The following CENPE variants were observed in gnomAD, a reference collection of about 807,000 sequenced individuals.
CENPE encodes centromere-associated protein E.
A neutral mutation model predicts 336.1 loss-of-function variants in CENPE; 145 were observed. The observed-to-expected ratio is 0.43, with a 90% CI of 0.38 to 0.50. CENPE has a LOEUF of 0.50. Ranked by LOEUF, CENPE falls within the 20% of genes least tolerant of loss-of-function variation. The pLI, the probability that CENPE is intolerant of heterozygous loss-of-function variation, is 0.00. For synonymous variants in CENPE, 1,013 were observed against 984.8 expected (o/e 1.03, Z -0.54); for missense variants, 2,719 against 3,023.3 (o/e 0.90, Z 2.36).
At chr4:103,187,827 T>C (rs1169039829) in intron 8 of CENPE, among the ~76,000 whole-genome samples, 7 of 152,194 alleles carry the variant, frequency 4.6e-5, no homozygotes, top group African/African-American at 1.7e-4. Context: ...ATAGGCTAAA[T>C]GCTCCAATGA....
chr4:103,113,177 A>AGTGTATATATACTTATAAGTATATAAGT (rs1749715652), intron 46 of CENPE, among the ~76,000 whole-genome samples: 1 of 132,486 alleles, frequency 7.5e-6, no homozygotes, highest in African/African-American at 2.7e-5. Context: ...TAAGTATATA[A>AGTGTATATATACTTATAAGTATATAAGT]GTGTATATAT....
Position 103,116,690 on chromosome 4 carries a change from C to T in CENPE, c.7330-1G>A. The T allele has an allele frequency of 6.6e-7, 1 of 1,522,494 alleles. No homozygotes were observed. Among genetic ancestry groups the T allele is most frequent in the Non-Finnish European group, 8.9e-7 (1 of 1,126,554 alleles). The allele number at this position is 1,522,494 out of a possible 1,614,324, so 94.3% of individuals were successfully genotyped here. On this transcript the variant is annotated splice_acceptor_variant, in intron 44 of 48. Coordinates refer to ENST00000265148, the MANE Select transcript of CENPE (RefSeq NM_001813.3). LOFTEE classifies it high-confidence loss of function. ...GCTTAGCTCCTAAAGCAACTTTGTC[C>T]TAAATTTTTTTTAGAGAAAATAAAA...
chr4:103,127,106 A>AC lies in CENPE; in HGVS notation c.6925-4018_6925-4017insG, dbSNP rs528791037. 2.1e-4 allele frequency among the ~76,000 whole-genome samples: 31 copies of AC among 150,992 alleles called. 1 individual carries two copies. The South Asian group carries it at 4.6e-3, about 22-fold the overall frequency. ...CTAAACGGGACAAATATAAAAAAAAAAAAAAACCAAAAAAACCCCCGAAAA... is the reference window on the plus strand; with the variant it reads ...CTAAACGGGACAAATATAAAAAAAAACAAAAAACCAAAAAAACCCCCGAAAA... On this transcript the variant is annotated intron_variant, in intron 42 of 48. Transcript: ENST00000265148.
intron 42 of CENPE, among the ~76,000 whole-genome samples, chr4:103,128,777 A>G (rs2125886780): frequency 6.6e-6 from 1 of 152,308 alleles, no homozygotes; most frequent in African/African-American, 2.4e-5. Flanking sequence ...AGAAAAGAGG[A>G]AAGACCTAAA....
intron 46 of CENPE, 28 bp downstream of exon 46, chr4:103,114,427 T>C: frequency 7.4e-7 from 1 of 1,345,604 alleles, no homozygotes; most frequent in Non-Finnish European, 1.1e-6. Flanking sequence ...TAAAATTTCA[T>C]CTGAAAATAT....
At chr4:103,195,398 G>A (rs762559257) in intron 4 of CENPE, among the ~76,000 whole-genome samples, 165 bp from the exon 5 acceptor site, 2 of 152,006 alleles carry the variant, frequency 1.3e-5, no homozygotes, top group African/African-American at 2.4e-5. Context: ...TAAAAGCATC[G>A]TTACAGAAAT....
rs770836826 is a variant in CENPE, at chr4:103,145,240, T to C, written c.4667A>G (p.His1556Arg). 5 of 1,613,682 alleles carry C rather than the reference T, an allele frequency of 3.1e-6. No individual in the cohort carries two copies. The African/African-American group carries it at 5.3e-5, about 17-fold the overall frequency. ...TAGTGCTGAATCCTTGGCTTTGCGATGCTCCTTGAATTGTTTCAGTTCATT... is the reference window on the plus strand; with the variant it reads ...TAGTGCTGAATCCTTGGCTTTGCGACGCTCCTTGAATTGTTTCAGTTCATT... ...KVNELKQFKE[H>R]RKAKDSALQS... is the part of the protein sequence containing the mutation. Residue 1556 changes from histidine (H) to arginine (R), a missense_variant, in exon 32 of 49, where the codon CAT becomes CGT. This residue lies in a region of CENPE where 2,437 missense variants were observed against 2,513.3 expected (regional missense o/e 0.97). Transcript: ENST00000265148.
At chr4:103,161,546 T>C in intron 18 of CENPE, 89 bp from the exon 19 acceptor site, 1 of 1,150,394 alleles carries the variant, frequency 8.7e-7, no homozygotes, top group East Asian at 2.7e-5. Context: ...ATGTTAACTC[T>C]AGCTAATCAA....
At chr4:103,144,819 A>G (rs1016671433) in intron 32 of CENPE, among the ~76,000 whole-genome samples, 1 of 152,192 alleles carries the variant, frequency 6.6e-6, no homozygotes, top group African/African-American at 2.4e-5. Flanking sequence ...TCACCATCAG[A>G]ATTTCCTAAA....
In CENPE at chr4:103,146,105, G is replaced by A. The variant is rs766144791; in HGVS notation, c.4137C>T (p.Ile1379=). The change falls in exon 30 of 49, where the codon ATC becomes ATT. Residue 1379 remains isoleucine (I), a splice_region_variant and synonymous_variant. Coordinates refer to ENST00000265148, the MANE Select transcript of CENPE (RefSeq NM_001813.3). ...KEHIRETLAK[I]QESQSKQEQS... ...GTTCTTGTTTGCTTTGAGACTCCTG[G>A]ATCTTAAGAGAATCATAAAACAGTA... 6.2e-7 allele frequency: 1 copy of A among 1,611,114 alleles called. No homozygotes were observed. Among genetic ancestry groups the A allele is most frequent in the Admixed American group, 1.7e-5 (1 of 59,604 alleles).
At chr4:103,110,779 T>A in intron 47 of CENPE, 49 bp downstream of exon 47, 1 of 1,417,654 alleles carries the variant, frequency 7.1e-7, no homozygotes. Flanking sequence ...TCCCTACATA[T>A]ATGTAATAGC....
chr4:103,196,327 T>C (rs1274880978), intron 2 of CENPE, 75 bp from the exon 3 acceptor site: 3 of 1,065,350 alleles, frequency 2.8e-6, no homozygotes. Flanking sequence ...TCCAAATTAG[T>C]AATTATTCCC....
chr4:103,150,394 C>G (rs1753438834), intron 26 of CENPE, among the ~76,000 whole-genome samples: 1 of 152,088 alleles, frequency 6.6e-6, no homozygotes, highest in African/African-American at 2.4e-5. Flanking sequence ...CCAGCCTGGG[C>G]AACACAGTGA....
rs760432030 is a variant in CENPE, at chr4:103,163,196, G to A, written c.1783C>T (p.Gln595Ter). Residue 595 changes from glutamine (Q) to a stop codon, truncating the protein, a stop_gained, in exon 18 of 49, where the codon CAG becomes TAG. Coordinates refer to ENST00000265148, the MANE Select transcript of CENPE (RefSeq NM_001813.3). LOFTEE classifies it high-confidence loss of function. ...AGCTTTTGAGAGTCTATGTATTCCT[G>A]TAGCTTCTTAATCTGGTCTTCCTTT... ...REKEDQIKKLQEYIDSQKLEN... is the reference protein window; with the variant it reads ...REKEDQIKKL The A allele has an allele frequency of 6.2e-7, 1 of 1,607,838 alleles. No homozygotes were observed. Among genetic ancestry groups the A allele is most frequent in the Non-Finnish European group, 8.5e-7 (1 of 1,175,290 alleles).
rs776267840 is a variant in CENPE, at chr4:103,145,150, T to A, written c.4757A>T (p.Gln1586Leu). The A allele has an allele frequency of 2.9e-5, 46 of 1,612,882 alleles. No homozygotes were observed. The South Asian group carries it at 4.8e-4, about 17-fold the overall frequency. The change falls in exon 32 of 49, where the codon CAA (glutamine) becomes CTA (leucine). Residue 1586 changes from glutamine to leucine, a missense_variant. Around this residue, in one of 5 missense-constraint regions of CENPE, gnomAD observed 2,437 missense variants for 2,513.3 expected, o/e 0.97. Coordinates refer to ENST00000265148, the MANE Select transcript of CENPE (RefSeq NM_001813.3). ...NRLQESQEEIQIMIKEKEEMK... is the reference protein window; with the variant it reads ...NRLQESQEEILIMIKEKEEMK... ...TTCCTCTTTTTCCTTAATCATAATT[T>A]GTATTTCTTCTTGACTTTCTTGAAG... is the stretch of plus-strand genomic sequence containing the variant.
At chr4:103,152,498 G>A (rs1753643067) in intron 25 of CENPE, among the ~76,000 whole-genome samples, 1 of 152,122 alleles carries the variant, frequency 6.6e-6, no homozygotes, top group Non-Finnish European at 1.5e-5. Context: ...TCTTCCCTGT[G>A]ACACAGCAAT....
chr4:103,145,243 T>A lies in CENPE; in HGVS notation c.4664A>T (p.Glu1555Val). The change falls in exon 32 of 49, where the codon GAG becomes GTG. Residue 1555 changes from glutamate to valine, a missense_variant. Physicochemically the swap from Glu to Val is moderately radical, Grantham distance 121. Transcript: ENST00000265148. ...TGCTGAATCCTTGGCTTTGCGATGC[T>A]CCTTGAATTGTTTCAGTTCATTCAC... is the stretch of plus-strand genomic sequence containing the variant. ...EKVNELKQFK[E>V]HRKAKDSALQ... 2 of 1,613,572 alleles carry A rather than the reference T, an allele frequency of 1.2e-6. No individual in the cohort carries two copies. Among genetic ancestry groups the A allele is most frequent in the South Asian group, 2.2e-5 (2 of 90,988 alleles).
At chr4:103,167,908 T>C (rs1041381641) in intron 16 of CENPE, among the ~76,000 whole-genome samples, 1 of 152,162 alleles carries the variant, frequency 6.6e-6, no homozygotes, top group Non-Finnish European at 1.5e-5. Flanking sequence ...TCGACATTGG[T>C]CTTGGCAGTG....
chr4:103,124,232 A>C (rs1010163294), intron 42 of CENPE, among the ~76,000 whole-genome samples: 3 of 152,200 alleles, frequency 2.0e-5, no homozygotes, highest in Admixed American at 6.5e-5. Context: ...AGGACAGTGT[A>C]TATGCTGAAG....
Sources: gnomAD v4.1 joint callset for allele counts (sites outside exome capture counted in the v4.1 genomes callset) on GRCh38, gnomAD v4.1.1 for gene constraint, gnomAD v4.1.1 regional missense constraint, MANE v1.5 for transcripts, NCBI Gene and HGNC (gene_info 2026-07-23, HGNC 2026-07-21) for gene names.